The following SOX5 variants were observed in gnomAD, a reference collection of about 807,000 sequenced individuals.
The protein encoded by SOX5 is transcription factor SOX-5.
Under a neutral mutation model 92.0 loss-of-function variants are expected in SOX5, and 9 were observed. The observed-to-expected ratio is 0.10, with a 90% CI of 0.06 to 0.17. The LOEUF is 0.17. Ranked by LOEUF, SOX5 falls within the 10% of genes least tolerant of loss-of-function variation. The pLI is 1.00. For synonymous variants in SOX5, 344 were observed against 336.3 expected, an observed-to-expected ratio of 1.02 and a Z score of -0.25; for missense variants, 642 against 944.5, an observed-to-expected ratio of 0.68 and a Z score of 4.20.
At chr12:24,480,419 T>C (rs1945854704) in intron 1 of SOX5, among the ~76,000 whole-genome samples, 2 of 151,970 alleles carry the variant, frequency 1.3e-5, no homozygotes, top group Admixed American at 1.3e-4. Context: ...GATCGCAAAA[T>C]GTTAAAAAGC....
At chr12:24,505,160 A>AT (rs1314236046) in intron 1 of SOX5, among the ~76,000 whole-genome samples, 3 of 152,134 alleles carry the variant, frequency 2.0e-5, no homozygotes, top group Non-Finnish European at 4.4e-5. Context: ...TTCTTGTTTC[A>AT]TTTTTTTCTT....
intron 4 of SOX5, among the ~76,000 whole-genome samples, chr12:24,035,956 C>A (rs1955991047): frequency 6.6e-6 from 1 of 151,942 alleles, no homozygotes; most frequent in Non-Finnish European, 1.5e-5. Flanking sequence ...AAAATAAAAA[C>A]AAAAATCCTC....
intron 1 of SOX5, among the ~76,000 whole-genome samples, chr12:24,450,337 CTTTTT>C (rs1942088162): frequency 6.6e-6 from 1 of 152,016 alleles, no homozygotes; most frequent in African/African-American, 2.4e-5. Context: ...CAATCATCTT[CTTTTT>C]TAATTTTTGT....
intron 2 of SOX5, among the ~76,000 whole-genome samples, chr12:24,341,820 G>A (rs1952609258): frequency 6.6e-6 from 1 of 152,098 alleles, no homozygotes; most frequent in African/African-American, 2.4e-5. Flanking sequence ...TCCCTGAGAG[G>A]GTAGCTACCA....
chr12:24,326,974 C>G (rs539192826), intron 2 of SOX5, among the ~76,000 whole-genome samples: 2 of 152,180 alleles, frequency 1.3e-5, no homozygotes, highest in African/African-American at 4.8e-5. Context: ...GTGTTTTTTG[C>G]TACTACCTAG....
At chr12:24,377,375 A>G (rs1957393089) in intron 1 of SOX5, among the ~76,000 whole-genome samples, 1 of 152,214 alleles carries the variant, frequency 6.6e-6, no homozygotes, top group Non-Finnish European at 1.5e-5. Flanking sequence ...TTCAATTAAA[A>G]CATAATGAAA....
At chr12:24,057,918 G>T (rs574776126) in intron 4 of SOX5, among the ~76,000 whole-genome samples, 1 of 152,266 alleles carries the variant, frequency 6.6e-6, no homozygotes, top group South Asian at 2.1e-4. Flanking sequence ...TTTCTCCACA[G>T]TCTTTAAATT....
chr12:23,718,463 T>G (rs1019792658), intron 6 of SOX5, among the ~76,000 whole-genome samples: 12 of 152,302 alleles, frequency 7.9e-5, no homozygotes, highest in Non-Finnish European at 1.0e-4. Context: ...AGGTTCATAA[T>G]TTCAGGGACT....
chr12:23,772,044 C>T (rs193078656), intron 3 of SOX5, among the ~76,000 whole-genome samples: 49 of 152,214 alleles, frequency 3.2e-4, no homozygotes, highest in African/African-American at 1.1e-3. Flanking sequence ...AAATTTCTCC[C>T]AGCATATTTG....
At chr12:24,160,881 C>T (rs929643176) in intron 4 of SOX5, among the ~76,000 whole-genome samples, 3 of 152,072 alleles carry the variant, frequency 2.0e-5, no homozygotes, top group Non-Finnish European at 4.4e-5. Context: ...TGCCTCTAGA[C>T]ACAAACAATA....
chr12:24,406,287 C>T (rs1367472708), intron 1 of SOX5, among the ~76,000 whole-genome samples: 1 of 152,138 alleles, frequency 6.6e-6, no homozygotes, highest in African/African-American at 2.4e-5. Context: ...GAGTAGGGCG[C>T]TGAAGGAGAA....
chr12:23,823,268 C>G (rs1221477574), intron 3 of SOX5, among the ~76,000 whole-genome samples: 2 of 152,062 alleles, frequency 1.3e-5, no homozygotes, highest in African/African-American at 4.8e-5. Context: ...TTTTCCTTTT[C>G]AAATTTGTGC....
chr12:23,548,980 T>C (rs1308459345), intron 11 of SOX5, among the ~76,000 whole-genome samples: 1 of 151,998 alleles, frequency 6.6e-6, no homozygotes, highest in Admixed American at 6.6e-5. Context: ...CTCTATCCTT[T>C]TAATCCCACC....
intron 2 of SOX5, among the ~76,000 whole-genome samples, chr12:24,357,938 T>C (rs908797128): frequency 2.6e-5 from 4 of 152,228 alleles, no homozygotes; most frequent in African/African-American, 9.6e-5. Flanking sequence ...TTTTAAGACT[T>C]ACATACTTTA....
At chr12:23,564,985 T>G (rs1012429238) in intron 10 of SOX5, among the ~76,000 whole-genome samples, 1 of 152,174 alleles carries the variant, frequency 6.6e-6, no homozygotes, top group Non-Finnish European at 1.5e-5. Context: ...ATGCGCAGAG[T>G]AGACCTGGTC....
chr12:23,808,816 C>T (rs1040314480), intron 3 of SOX5, among the ~76,000 whole-genome samples: 1 of 152,094 alleles, frequency 6.6e-6, no homozygotes, highest in African/African-American at 2.4e-5. Flanking sequence ...TATGTTCTTA[C>T]ATATTCTAGC....
intron 2 of SOX5, among the ~76,000 whole-genome samples, chr12:24,359,226 T>C (rs1955220272): frequency 6.6e-6 from 1 of 152,174 alleles, no homozygotes; most frequent in South Asian, 2.1e-4. Flanking sequence ...GTTACCTGAG[T>C]TGAAAACTAT....
chr12:23,652,165 G>T (rs549808198), intron 7 of SOX5, among the ~76,000 whole-genome samples: 5 of 151,996 alleles, frequency 3.3e-5, no homozygotes, highest in Admixed American at 3.3e-4. Flanking sequence ...AATGACCTCT[G>T]AATTGCCAAA....
intron 11 of SOX5, among the ~76,000 whole-genome samples, chr12:23,549,317 A>G: frequency 6.6e-6 from 1 of 151,950 alleles, no homozygotes; most frequent in East Asian, 1.9e-4. Flanking sequence ...CACAAGTGAC[A>G]ATTTTTTACC....
Sources: gnomAD v4.1 joint callset for allele counts (sites outside exome capture counted in the v4.1 genomes callset) on GRCh38, gnomAD v4.1.1 for gene constraint, MANE v1.5 for transcripts, NCBI Gene and HGNC (gene_info 2026-07-23, HGNC 2026-07-21) for gene names.